The following MCC variants were observed in gnomAD, a reference collection of about 807,000 sequenced individuals.
MCC encodes the protein colorectal mutant cancer protein.
MCC carries 90 observed loss-of-function variants against 116.2 expected under a neutral mutation model. The observed-to-expected ratio is 0.77, with a 90% confidence interval of 0.65 to 0.92. The LOEUF is 0.92. MCC is among the 40% of genes least tolerant of loss of function. The pLI, the probability that MCC is intolerant of heterozygous loss-of-function variation, is 0.00. For synonymous variants in MCC, 578 were observed against 510.5 expected (o/e 1.13, Z -1.78); for missense variants, 1,516 against 1,312.2 (o/e 1.16, Z -2.40).
intron 3 of MCC, among the ~76,000 whole-genome samples, chr5:113,222,341 C>G (rs1763582490): frequency 6.6e-6 from 1 of 152,048 alleles, no homozygotes; most frequent in African/African-American, 2.4e-5. Flanking sequence ...TTTTTTACAT[C>G]CATGTTCACA....
chr5:113,094,354 C>A (rs1407316112), intron 8 of MCC, among the ~76,000 whole-genome samples: 1 of 151,628 alleles, frequency 6.6e-6, no homozygotes, highest in African/African-American at 2.4e-5. Context: ...TGTTTTATAG[C>A]CCACTAAAGT....
intron 17 of MCC, among the ~76,000 whole-genome samples, chr5:113,041,810 C>A (rs1751722167): frequency 6.6e-6 from 1 of 152,144 alleles, no homozygotes; most frequent in Admixed American, 6.5e-5. Context: ...GCCTGGCCAA[C>A]ATGGTGAAAT....
chr5:113,095,982 GCAGTGCCTCC>G (rs1755982885), intron 8 of MCC, among the ~76,000 whole-genome samples: 2 of 152,190 alleles, frequency 1.3e-5, no homozygotes, highest in African/African-American at 4.8e-5. Flanking sequence ...ACTGGGCCAG[GCAGTGCCTCC>G]ATGCCTTGGG....
In MCC at chr5:113,122,089, T is replaced by C. The variant is rs571041301; in HGVS notation, c.1027+595A>G. On this transcript the variant is annotated intron_variant, in intron 6 of 18. Transcript: ENST00000408903. ...GCCTTCATTTAAAAATACTTTTTCATGTAATTTCAAGACCCAACAGTAGGT... is the reference window on the plus strand; with the variant it reads ...GCCTTCATTTAAAAATACTTTTTCACGTAATTTCAAGACCCAACAGTAGGT... Among the ~76,000 whole-genome samples the C allele has an allele frequency of 2.0e-5, 3 of 152,386 alleles. No homozygotes were observed. The South Asian group carries it at 6.2e-4, about 32-fold the overall frequency.
chr5:113,098,249 G>A (rs550798376), intron 8 of MCC, among the ~76,000 whole-genome samples: 1 of 152,158 alleles, frequency 6.6e-6, no homozygotes, highest in Non-Finnish European at 1.5e-5. Flanking sequence ...GGAGAAAGTG[G>A]TTCCTGCCAT....
At chr5:113,289,328 CA>C (rs11388557) in intron 3 of MCC, among the ~76,000 whole-genome samples, 3,567 of 85,948 alleles carry the variant, frequency 0.042, 71 homozygotes, top group African/African-American at 0.093. Context: ...GGCTCCATCT[CA>C]AAAAAAAAAA....
chr5:113,137,840 A>C (rs1355048097), intron 5 of MCC, among the ~76,000 whole-genome samples: 24 of 152,104 alleles, frequency 1.6e-4, no homozygotes, highest in African/African-American at 5.8e-4. Context: ...GGGCATTGAA[A>C]AAGGTTACCT....
At chr5:113,339,438 TGC>T (rs1554077387) in intron 3 of MCC, among the ~76,000 whole-genome samples, 2 of 149,550 alleles carry the variant, frequency 1.3e-5, no homozygotes, top group Non-Finnish European at 3.0e-5. Flanking sequence ...TGTGTGTGTG[TGC>T]GTGCATGTGT....
intron 3 of MCC, among the ~76,000 whole-genome samples, chr5:113,297,762 A>G (rs1766750889): frequency 6.6e-6 from 1 of 150,894 alleles, no homozygotes; most frequent in Non-Finnish European, 1.5e-5. Flanking sequence ...AAAAAAAAAA[A>G]AAAAAAAAAA....
chr5:113,294,846 C>T, intron 3 of MCC: 1 of 985,904 alleles, frequency 1.0e-6, no homozygotes. Flanking sequence ...AAGATCCGCG[C>T]CTCGGATTCC....
At chr5:113,361,649 A>T (rs1176032381) in intron 2 of MCC, among the ~76,000 whole-genome samples, 1 of 152,206 alleles carries the variant, frequency 6.6e-6, no homozygotes, top group Non-Finnish European at 1.5e-5. Context: ...TATGCCTGTG[A>T]GGGTATTTCC....
chr5:113,173,829 G>A (rs2150305038), intron 3 of MCC, among the ~76,000 whole-genome samples: 1 of 152,212 alleles, frequency 6.6e-6, no homozygotes, highest in South Asian at 2.1e-4. Context: ...ACCCCAATTA[G>A]CTAAAACAGC....
At position 113,351,063 on chromosome 5, in the gene MCC, G is replaced by T. The variant is rs1768255614; in HGVS notation, c.416-10333C>A. Among the ~76,000 whole-genome samples, 4 of 152,120 alleles carry T rather than the reference G, an allele frequency of 2.6e-5. No individual in the cohort carries two copies. The South Asian group carries it at 8.3e-4, about 32-fold the overall frequency. The stretch of plus-strand genomic sequence containing the variant: ...AACACTAGTGGGGATATAGAGAAAA[G>T]GGAACCCTCATACACTGTTGGTGGG... On this transcript the variant is annotated intron_variant, in intron 2 of 18. Transcript: ENST00000408903.
chr5:113,423,744 T>C (rs959578973), intron 1 of MCC, among the ~76,000 whole-genome samples: 3 of 152,080 alleles, frequency 2.0e-5, no homozygotes, highest in African/African-American at 7.2e-5. Context: ...TAGATCTCTA[T>C]TTCCCACCCC....
intron 1 of MCC, among the ~76,000 whole-genome samples, chr5:113,429,159 C>T (rs1770557796): frequency 2.6e-5 from 4 of 152,070 alleles, no homozygotes; most frequent in African/African-American, 7.2e-5. Flanking sequence ...GAAGCTCTAA[C>T]CTCCAATGTG....
chr5:113,354,597 G>C (rs1362599695), intron 2 of MCC, among the ~76,000 whole-genome samples: 1 of 151,746 alleles, frequency 6.6e-6, no homozygotes. Context: ...ACCACACCCA[G>C]CTAATTTTTG....
chr5:113,082,564 C>G (rs2150242821), intron 11 of MCC, among the ~76,000 whole-genome samples: 1 of 152,300 alleles, frequency 6.6e-6, no homozygotes, highest in East Asian at 1.9e-4. Context: ...AAAGTGGGGT[C>G]CGTTGTTTAA....
rs1355215322 is a variant in MCC, at chr5:113,022,221, C to G, written c.*5081G>C. 1.3e-5 allele frequency: 2 copies of G among 152,528 alleles called. No homozygotes were observed. Among genetic ancestry groups the G allele is most frequent in the Non-Finnish European group, 2.9e-5 (2 of 68,004 alleles). The allele number at this position is 152,528 out of a possible 1,614,324, so 9.4% of individuals were successfully genotyped here. A position where few individuals can be genotyped will look rare whatever the true frequency, so the allele number is the denominator to read the frequency against. ...TTCTATATCAAATAACGCAAAGTAG[C>G]TATTTTACAGCAGCTAAAACTAAAG... is the stretch of plus-strand genomic sequence containing the variant. On this transcript the variant is annotated 3_prime_UTR_variant, in exon 19 of 19. Coordinates refer to ENST00000408903, the MANE Select transcript of MCC (RefSeq NM_001085377.2).
intron 12 of MCC, among the ~76,000 whole-genome samples, chr5:113,069,098 T>C (rs947688561): frequency 2.0e-5 from 3 of 152,236 alleles, no homozygotes; most frequent in African/African-American, 7.2e-5. Flanking sequence ...CATTCCTCCA[T>C]TGCAGTAGCC....
Sources: allele counts gnomAD v4.1 joint callset (sites outside exome capture counted in the v4.1 genomes callset), GRCh38; gene constraint gnomAD v4.1.1; transcripts MANE v1.5; gene names NCBI Gene and HGNC (gene_info 2026-07-23, HGNC 2026-07-21).